The following NUP205 variants were observed in gnomAD, a reference collection of about 807,000 sequenced individuals.
NUP205 encodes nucleoporin 205.
In NUP205, 76 loss-of-function variants were observed where a neutral mutation model predicts 253.8. That is an observed-to-expected ratio of 0.30 (90% confidence interval 0.25 to 0.36). NUP205 has a LOEUF of 0.36. Among genes scored for constraint, NUP205 ranks in the 10% least tolerant of loss-of-function variants. The pLI, the probability that NUP205 is intolerant of heterozygous loss-of-function variation, is 1.00. For synonymous variants in NUP205, 832 were observed against 850.1 expected, an observed-to-expected ratio of 0.98 and a Z score of 0.37; for missense variants, 2,162 against 2,425.5, an observed-to-expected ratio of 0.89 and a Z score of 2.28.
At chr7:135,596,587 T>C (rs749304734) in intron 13 of NUP205, among the ~76,000 whole-genome samples, 1 of 152,152 alleles carries the variant, frequency 6.6e-6, no homozygotes, top group Non-Finnish European at 1.5e-5. Context: ...CATAGACTAC[T>C]TAGGCCCATA....
intron 15 of NUP205, among the ~76,000 whole-genome samples, 184 bp downstream of exon 15, chr7:135,598,391 A>T (rs572102507): frequency 3.3e-5 from 5 of 152,336 alleles, no homozygotes; most frequent in African/African-American, 1.2e-4. Flanking sequence ...TGGTCATTAA[A>T]ACCCAAGCAC....
intron 34 of NUP205, 65 bp downstream of exon 34, chr7:135,628,176 C>CT (rs1227678561): frequency 6.8e-7 from 1 of 1,480,406 alleles, no homozygotes; most frequent in East Asian, 2.3e-5. Flanking sequence ...GTACAGAAAC[C>CT]TTACACACAT....
intron 18 of NUP205, among the ~76,000 whole-genome samples, chr7:135,603,403 G>A (rs975249230): frequency 6.6e-6 from 1 of 151,452 alleles, no homozygotes; most frequent in Non-Finnish European, 1.5e-5. Flanking sequence ...GTGAACCACC[G>A]CGCCCAGCCT....
chr7:135,626,193 T>C lies in NUP205; in HGVS notation c.4672-47T>C, dbSNP rs770795453. The C allele has an allele frequency of 8.7e-6, 14 of 1,609,710 alleles. No homozygotes were observed. The South Asian group carries it at 1.3e-4, about 15-fold the overall frequency. On this transcript the variant is annotated intron_variant, in intron 32 of 42. Coordinates refer to ENST00000285968, the MANE Select transcript of NUP205 (RefSeq NM_015135.3). ...AGTGTTGCACTTTTCTCTGAGGCCC[T>C]TGGACATGATTTCAGCACTGATGAT...
At chr7:135,585,039 TAGA>T (rs150258934) in intron 8 of NUP205, 32 bp downstream of exon 8, 173,113 of 1,482,170 alleles carry the variant, frequency 0.12, 11,356 homozygotes, top group South Asian at 0.17. Flanking sequence ...GAGTAAATAG[TAGA>T]AGAATTTTAT....
At chr7:135,562,235 C>T (rs770067866) in intron 1 of NUP205, among the ~76,000 whole-genome samples, 3 of 152,020 alleles carry the variant, frequency 2.0e-5, no homozygotes, top group Admixed American at 1.3e-4. Context: ...CTCATTCTGT[C>T]GCCCAGACTG....
In NUP205 at chr7:135,619,483, C is replaced by T. The variant is rs375874585; in HGVS notation, c.4024C>T (p.Leu1342=). ...TGTGGTCGCCGGGGCAGTGTTCACA[C>T]TGACTGCTCACCTAAGCCAGGCCGT... ...MPVVAGAVFT[L]TAHLSQAVLT... is the part of the protein sequence containing the mutation. The change falls in exon 29 of 43, where the codon CTG becomes TTG. Residue 1342 remains leucine, a synonymous_variant. Coordinates refer to ENST00000285968, the MANE Select transcript of NUP205 (RefSeq NM_015135.3). The T allele has an allele frequency of 2.7e-5, 43 of 1,613,786 alleles. No homozygotes were observed. Among genetic ancestry groups the T allele is most frequent in the Non-Finnish European group, 3.4e-6 (4 of 1,180,024 alleles).
intron 24 of NUP205, among the ~76,000 whole-genome samples, 176 bp downstream of exon 24, chr7:135,616,241 A>T (rs1372481261): frequency 1.3e-5 from 2 of 152,166 alleles, no homozygotes; most frequent in Non-Finnish European, 2.9e-5. Flanking sequence ...ATTTATTATT[A>T]TTTTAAGCAT....
At chr7:135,601,822 A>T (rs963758884) in intron 17 of NUP205, among the ~76,000 whole-genome samples, 5 of 152,144 alleles carry the variant, frequency 3.3e-5, no homozygotes, top group African/African-American at 4.8e-5. Flanking sequence ...CCACCTCATA[A>T]TATTTTTAAA....
chr7:135,594,157 A>AT (rs1352551834), intron 12 of NUP205, among the ~76,000 whole-genome samples: 5 of 150,794 alleles, frequency 3.3e-5, no homozygotes, highest in East Asian at 1.9e-4. Context: ...ATATCTCTAT[A>AT]TTTTTTTTTG....
At position 135,633,657 on chromosome 7, in the gene NUP205, G is replaced by A. The variant is rs113473806; in HGVS notation, c.5060-1924G>A. ...AAGGTCTCACTATGTTGCCCAGGCT[G>A]GTCTCAAACTTCTGGCCTCAAGCAA... On this transcript the variant is annotated intron_variant, in intron 35 of 42. Transcript: ENST00000285968. Among the ~76,000 whole-genome samples the A allele has an allele frequency of 5.6e-3, 851 of 152,112 alleles. 14 individuals carry two copies. Among genetic ancestry groups the A allele is most frequent in the East Asian group, 0.051 (265 of 5,170 alleles).
At chr7:135,616,223 T>C (rs995196782) in intron 24 of NUP205, among the ~76,000 whole-genome samples, 158 bp downstream of exon 24, 1 of 152,236 alleles carries the variant, frequency 6.6e-6, no homozygotes, top group Admixed American at 6.5e-5. Context: ...ACTCATCTTA[T>C]GATTGTCATT....
chr7:135,638,464 G>T, intron 37 of NUP205, 93 bp from the exon 38 acceptor site: 20 of 947,704 alleles, frequency 2.1e-5, no homozygotes, highest in East Asian at 2.7e-5. Flanking sequence ...TTTACAAATT[G>T]ATTGATAACC....
chr7:135,575,711 C>T (rs558297063), intron 3 of NUP205, among the ~76,000 whole-genome samples: 2 of 152,250 alleles, frequency 1.3e-5, no homozygotes, highest in South Asian at 4.1e-4. Context: ...AGGAGAATTG[C>T]TTGAACCTAG....
At chr7:135,622,279 T>C (rs1457752212) in intron 30 of NUP205, among the ~76,000 whole-genome samples, 2 of 151,464 alleles carry the variant, frequency 1.3e-5, no homozygotes, top group East Asian at 3.9e-4. Flanking sequence ...AAAAATTAGC[T>C]GGGCATGGTG....
intron 1 of NUP205, among the ~76,000 whole-genome samples, chr7:135,564,275 C>G (rs562151008): frequency 2.7e-4 from 38 of 138,552 alleles, no homozygotes; most frequent in East Asian, 1.5e-3. Context: ...GAGACGGAGT[C>G]TTGCCCTGTC....
At chr7:135,645,658 A>T in intron 41 of NUP205, 62 bp downstream of exon 41, 1 of 1,527,078 alleles carries the variant, frequency 6.5e-7, no homozygotes, top group Non-Finnish European at 8.8e-7. Context: ...AAAAGCTAGT[A>T]CCAGTTTTTT....
Position 135,593,183 on chromosome 7 carries a change from C to T in NUP205, c.1821C>T (p.Ile607=), listed in dbSNP as rs1286821431. The T allele has an allele frequency of 6.2e-7, 1 of 1,613,812 alleles. No individual in the cohort carries two copies. The highest frequency in any genetic ancestry group is 8.5e-7 in the Non-Finnish European group (1 of 1,179,752). ...LIAFLQLTST[I]ITWSENARLA... ...CTTTTTTGCAGCTCACGTCTACCAT[C>T]ATTACTTGGGTAGGTAACTCATCCC... The change falls in exon 12 of 43, where the codon ATC becomes ATT. Residue 607 remains isoleucine (I), a synonymous_variant. Transcript: ENST00000285968.
At position 135,587,990 on chromosome 7, in the gene NUP205, C is replaced by T. The variant is rs1009962987; in HGVS notation, c.1471C>T (p.Gln491Ter). The change falls in exon 10 of 43, where the codon CAG (glutamine) becomes TAG (stop). Residue 491 changes from glutamine (Q) to a stop codon, truncating the protein, a stop_gained and splice_region_variant. Coordinates refer to ENST00000285968, the MANE Select transcript of NUP205 (RefSeq NM_015135.3). LOFTEE classifies it high-confidence loss of function. ...GVAHQRPPQR[Q>*]VVLSKFVRQM... Reference sequence around the variant, plus strand: ...GGCTCATCAGCGGCCCCCTCAACGCCAGGTGAGTCTTTAGGTTTTCCTCTT... The same window carrying T: ...GGCTCATCAGCGGCCCCCTCAACGCTAGGTGAGTCTTTAGGTTTTCCTCTT... The T allele has an allele frequency of 4.3e-6, 7 of 1,610,512 alleles. No individual in the cohort carries two copies. The highest frequency in any genetic ancestry group is 5.9e-6 in the Non-Finnish European group (7 of 1,179,072).
Sources: allele counts gnomAD v4.1 joint callset (sites outside exome capture counted in the v4.1 genomes callset), GRCh38; gene constraint gnomAD v4.1.1; transcripts MANE v1.5; gene names NCBI Gene and HGNC (gene_info 2026-07-23, HGNC 2026-07-21).